Variants in FGF13 observed in about 807,000 individuals in gnomAD.
The protein encoded by FGF13 is fibroblast growth factor homologous factor 2.
Under a neutral mutation model 19.5 loss-of-function variants are expected in FGF13, and 2 were observed. That is an observed-to-expected ratio of 0.10 (90% confidence interval 0.04 to 0.32). The LOEUF is 0.32. Among genes scored for constraint, FGF13 ranks in the 10% least tolerant of loss-of-function variants. The pLI is 1.00. For synonymous variants in FGF13, 72 were observed against 76.9 expected (o/e 0.94, Z 0.33); for missense variants, 113 against 192.7 (o/e 0.59, Z 2.45).
chrX:138,984,593 GGA>G (rs2091983187), intron 1 of FGF13, among the ~76,000 whole-genome samples: 1 of 37,853 alleles, frequency 2.6e-5, no homozygotes, highest in African/African-American at 9.3e-5. Flanking sequence ...AGAAGAAGGA[GGA>G]GGAGGAGGAG....
intron 2 of FGF13, among the ~76,000 whole-genome samples, chrX:138,862,516 A>C (rs969880450): frequency 9.0e-6 from 1 of 111,176 alleles, no homozygotes; most frequent in African/African-American, 3.3e-5. Context: ...ATCCTTACCT[A>C]ATCAGAAAGA....
intron 1 of FGF13, among the ~76,000 whole-genome samples, chrX:139,190,136 T>C (rs1044209708): frequency 8.0e-5 from 9 of 111,897 alleles, no homozygotes; most frequent in African/African-American, 2.3e-4. Flanking sequence ...GAAAAGCTTA[T>C]TAATAACAGC....
intron 1 of FGF13, among the ~76,000 whole-genome samples, chrX:138,896,334 T>C (rs1473843341): frequency 9.0e-6 from 1 of 111,339 alleles, no homozygotes; most frequent in African/African-American, 3.3e-5. Flanking sequence ...TTAAAAAATA[T>C]ACTTGAGATA....
At chrX:138,731,468 AG>A (rs774704911) in intron 1 of FGF13, among the ~76,000 whole-genome samples, 7 of 110,378 alleles carry the variant, frequency 6.3e-5, no homozygotes, top group Non-Finnish European at 9.5e-5. Flanking sequence ...AAAATCAAAA[AG>A]AAGGTTAGAA....
At chrX:138,725,600 T>G (rs1478404017) in intron 1 of FGF13, among the ~76,000 whole-genome samples, 1 of 111,738 alleles carries the variant, frequency 8.9e-6, no homozygotes, top group East Asian at 2.8e-4. Flanking sequence ...CACCAGACAT[T>G]ATGAATTTCA....
intron 1 of FGF13, among the ~76,000 whole-genome samples, chrX:138,978,445 G>T (rs182943318): frequency 5.5e-5 from 6 of 110,056 alleles, no homozygotes; most frequent in African/African-American, 1.7e-4. Flanking sequence ...TGTATTTTTA[G>T]TAGAGACGGG....
intron 3 of FGF13, among the ~76,000 whole-genome samples, chrX:138,830,422 T>C (rs897007188): frequency 4.5e-5 from 5 of 111,607 alleles, no homozygotes; most frequent in African/African-American, 1.3e-4. Flanking sequence ...ACCATCCTTG[T>C]TATATAATTT....
At position 139,154,567 on chromosome X, in the gene FGF13, C is replaced by T. The variant is rs371423112; in HGVS notation, c.-113+48849G>A. On this transcript the variant is annotated intron_variant, in intron 1 of 2. Transcript: ENST00000421460. ...ACCGCTTGTAAATTAGAAAAGTCTC[C>T]AATAGCAAAATGTAGCCATTAAATG... 3.6e-5 allele frequency among the ~76,000 whole-genome samples: 4 copies of T among 112,048 alleles called. No individual in the cohort carries two copies. In the East Asian group the frequency reaches 1.1e-3, roughly 31 times the overall value.
chrX:139,190,643 T>G (rs1370039252), intron 1 of FGF13, among the ~76,000 whole-genome samples: 2 of 112,129 alleles, frequency 1.8e-5, no homozygotes, highest in Non-Finnish European at 3.8e-5. Flanking sequence ...TAATTAAGGA[T>G]CTGTGGAGCA....
chrX:138,770,965 C>T (rs1291919665), intron 3 of FGF13, among the ~76,000 whole-genome samples: 2 of 110,993 alleles, frequency 1.8e-5, no homozygotes, highest in African/African-American at 3.3e-5. Context: ...TCTTTGGCCA[C>T]GACTGACCCC....
At chrX:138,711,824 C>G (rs1036294178), upstream of FGF13, among the ~76,000 whole-genome samples, 2 of 105,287 alleles carry the variant, frequency 1.9e-5, no homozygotes, top group Non-Finnish European at 4.0e-5. Context: ...CCCCCACCCC[C>G]CCAAGTCCCC....
chrX:138,625,528 T>C lies in FGF13; in HGVS notation c.*7322A>G, dbSNP rs1314186706. 1.0e-5 allele frequency: 1 copy of C among 98,370 alleles called. No individual in the cohort carries two copies. Among genetic ancestry groups the C allele is most frequent in the Non-Finnish European group, 2.0e-5 (1 of 50,108 alleles). The allele number at this position is 98,370 out of a possible 1,213,427, so 8.1% of individuals were successfully genotyped here. A position where few individuals can be genotyped will look rare whatever the true frequency, so the allele number is the denominator to read the frequency against. ...ATATATATAATATAATATATATATATATCTTAGCCATATAAAGAGGGAGCT... is the reference window on the plus strand; with the variant it reads ...ATATATATAATATAATATATATATACATCTTAGCCATATAAAGAGGGAGCT... On this transcript the variant is annotated 3_prime_UTR_variant, in exon 5 of 5. Coordinates refer to ENST00000315930, the MANE Select transcript of FGF13 (RefSeq NM_004114.5).
At chrX:138,808,038 A>G (rs1413598672) in intron 3 of FGF13, among the ~76,000 whole-genome samples, 2 of 111,629 alleles carry the variant, frequency 1.8e-5, no homozygotes, top group Non-Finnish European at 3.8e-5. Flanking sequence ...TCAACGAGAC[A>G]GAAAGTTAAC....
At chrX:138,807,229 A>G (rs1187197386) in intron 3 of FGF13, 1 of 111,843 alleles carries the variant, frequency 8.9e-6, no homozygotes, top group Non-Finnish European at 1.9e-5. Context: ...ATTATTTTCT[A>G]TTATTTTTAC....
At chrX:139,194,362 A>G (rs924302007) in intron 1 of FGF13, among the ~76,000 whole-genome samples, 2 of 112,071 alleles carry the variant, frequency 1.8e-5, no homozygotes, top group African/African-American at 6.5e-5. Flanking sequence ...CGCTTTTATG[A>G]TGTTCCAAAT....
chrX:138,623,690 T>C lies in FGF13; in HGVS notation c.*9160A>G, dbSNP rs1477561698. On this transcript the variant is annotated 3_prime_UTR_variant, in exon 5 of 5. Transcript: ENST00000315930. ...TACTCGGGAGGCTGAGGCAAGAGAA[T>C]CCCTTTAACTCGGGAGGCAGAGGTT... 1 of 110,399 alleles carries C rather than the reference T, an allele frequency of 9.1e-6. No homozygotes were observed. The highest frequency in any genetic ancestry group is 1.9e-5 in the Non-Finnish European group (1 of 52,933). The allele number at this position is 110,399 out of a possible 1,213,427, so 9.1% of individuals were successfully genotyped here.
At chrX:139,024,487 G>A (rs1266052995) in intron 1 of FGF13, among the ~76,000 whole-genome samples, 1 of 110,724 alleles carries the variant, frequency 9.0e-6, no homozygotes, top group Non-Finnish European at 1.9e-5. Flanking sequence ...TGTCATCCTT[G>A]GTCCTTGCCC....
chrX:138,742,760 G>C (rs146445208), upstream of FGF13, among the ~76,000 whole-genome samples: 6 of 111,983 alleles, frequency 5.4e-5, 1 homozygote, highest in South Asian at 3.8e-4. Flanking sequence ...ACACATCGAA[G>C]GCAATAATGC....
chrX:138,887,704 A>T (rs149943223), intron 1 of FGF13, among the ~76,000 whole-genome samples: 4,516 of 111,817 alleles, frequency 0.04, 230 homozygotes, highest in African/African-American at 0.14. Context: ...AAATAAATCA[A>T]TATGTCTGAG....
Sources: allele counts gnomAD v4.1 joint callset (sites outside exome capture counted in the v4.1 genomes callset), GRCh38; gene constraint gnomAD v4.1.1; transcripts MANE v1.5; gene names NCBI Gene and HGNC (gene_info 2026-07-23, HGNC 2026-07-21).